The following TNKS variants were observed in gnomAD, a reference collection of about 807,000 sequenced individuals.
TNKS encodes tankyrase, also known as poly [ADP-ribose] polymerase tankyrase-1.
TNKS carries 72 observed loss-of-function variants against 135.8 expected under a neutral mutation model. The observed-to-expected ratio is 0.53, with a 90% confidence interval of 0.44 to 0.64. TNKS has a LOEUF of 0.64. Ranked by LOEUF, TNKS falls within the 30% of genes least tolerant of loss-of-function variation. The probability of loss-of-function intolerance (pLI) is 0.00; values close to 1 mark genes in which losing one functional copy is unlikely to be tolerated. For synonymous variants in TNKS, 849 were observed against 649.3 expected (o/e 1.31, Z -4.68); for missense variants, 1,769 against 1,674.0 (o/e 1.06, Z -0.99).
chr8:9,588,864 G>C (rs1437598961), intron 2 of TNKS, among the ~76,000 whole-genome samples: 1 of 152,168 alleles, frequency 6.6e-6, no homozygotes, highest in Non-Finnish European at 1.5e-5. Context: ...CAAAGGAAAA[G>C]TGATATTGAA....
At chr8:9,601,110 AAC>A (rs1798999594) in intron 2 of TNKS, among the ~76,000 whole-genome samples, 1 of 152,246 alleles carries the variant, frequency 6.6e-6, no homozygotes, top group African/African-American at 2.4e-5. Context: ...TTATAAAAAT[AAC>A]ACATATATGT....
chr8:9,716,132 G>A (rs1804589080), intron 11 of TNKS, among the ~76,000 whole-genome samples: 1 of 152,156 alleles, frequency 6.6e-6, no homozygotes, highest in Non-Finnish European at 1.5e-5. Context: ...TAATTTGACA[G>A]ATTTATTTAC....
chr8:9,664,157 A>C (rs1801873999), intron 3 of TNKS, among the ~76,000 whole-genome samples: 2 of 152,222 alleles, frequency 1.3e-5, no homozygotes, highest in African/African-American at 4.8e-5. Flanking sequence ...TATTTGGCTC[A>C]CAGTTTTGCA....
At chr8:9,690,858 T>C (rs73529171) in intron 5 of TNKS, among the ~76,000 whole-genome samples, 159 of 152,286 alleles carry the variant, frequency 1.0e-3, no homozygotes, top group African/African-American at 3.6e-3. Context: ...CTATGAAATA[T>C]CAATTGCTAT....
At chr8:9,764,434 A>G (rs971774713) in intron 22 of TNKS, among the ~76,000 whole-genome samples, 2 of 151,844 alleles carry the variant, frequency 1.3e-5, no homozygotes, top group African/African-American at 2.4e-5. Context: ...TCTCAATAAG[A>G]TAAGATAGTA....
intron 11 of TNKS, among the ~76,000 whole-genome samples, chr8:9,711,566 A>C (rs1804335491): frequency 6.6e-6 from 1 of 152,224 alleles, no homozygotes; most frequent in Non-Finnish European, 1.5e-5. Flanking sequence ...TTTGTGAAGT[A>C]GTATTTTAAG....
chr8:9,694,863 CAAT>C (rs1382110932), intron 5 of TNKS, among the ~76,000 whole-genome samples: 1 of 151,046 alleles, frequency 6.6e-6, no homozygotes, highest in African/African-American at 2.4e-5. Context: ...AAATTTTGTT[CAAT>C]AATAATAATA....
intron 3 of TNKS, among the ~76,000 whole-genome samples, chr8:9,676,323 T>G (rs1012788689): frequency 6.6e-6 from 1 of 152,164 alleles, no homozygotes; most frequent in African/African-American, 2.4e-5. Flanking sequence ...CAGAATTCTT[T>G]TTTAGCCTCT....
At chr8:9,597,425 C>A (rs1017865286) in intron 2 of TNKS, among the ~76,000 whole-genome samples, 1 of 151,370 alleles carries the variant, frequency 6.6e-6, no homozygotes, top group Non-Finnish European at 1.5e-5. Context: ...CTCTTTGTTA[C>A]CATCAGCGTG....
intron 3 of TNKS, among the ~76,000 whole-genome samples, chr8:9,630,653 T>A (rs1400623917): frequency 6.6e-6 from 1 of 152,230 alleles, no homozygotes; most frequent in Non-Finnish European, 1.5e-5. Context: ...GAGTATGCAA[T>A]GTCTGGCCCA....
chr8:9,642,163 T>C (rs142940887), intron 3 of TNKS, among the ~76,000 whole-genome samples: 6 of 146,388 alleles, frequency 4.1e-5, no homozygotes, highest in Non-Finnish European at 9.0e-5. Context: ...TAGTCTTTGC[T>C]ACCATTCCTA....
intron 5 of TNKS, among the ~76,000 whole-genome samples, chr8:9,685,517 C>T (rs764004537): frequency 2.0e-5 from 3 of 152,164 alleles, no homozygotes; most frequent in Non-Finnish European, 2.9e-5. Context: ...TGGACACTTA[C>T]ATACTTTTAA....
At chr8:9,735,137 A>G (rs1805631038) in intron 16 of TNKS, 53 bp downstream of exon 16, 6 of 1,532,240 alleles carry the variant, frequency 3.9e-6, no homozygotes, top group South Asian at 1.2e-5. Flanking sequence ...GACACCTAAT[A>G]CAGTTTACTA....
At chr8:9,706,281 C>A (rs1336378238) in intron 7 of TNKS, 28 bp downstream of exon 7, 6 of 1,415,834 alleles carry the variant, frequency 4.2e-6, no homozygotes, top group Admixed American at 5.4e-5. Context: ...TATTGAGCAT[C>A]ATTTACTTTT....
intron 3 of TNKS, among the ~76,000 whole-genome samples, chr8:9,618,112 G>A (rs4841184): frequency 0.8 from 121,503 of 151,466 alleles, 48,943 homozygotes; most frequent in Middle Eastern, 0.88. Flanking sequence ...TCAGCCTCCC[G>A]AGTAGCTGGG....
rs559762239 is a variant in TNKS, at chr8:9,584,274, CTG to C, written c.898+3894_898+3895del. On this transcript the variant is annotated intron_variant, in intron 2 of 26. Transcript: ENST00000310430. ...TTTTTCTGATTTTGGAGATTTTAAACTGTGGGCACTCCTTGCTGAGAGGAATG... is the reference window on the plus strand; with the variant it reads ...TTTTTCTGATTTTGGAGATTTTAAACTGGGCACTCCTTGCTGAGAGGAATG... Among the ~76,000 whole-genome samples the C allele has an allele frequency of 2.1e-3, 316 of 150,528 alleles. 3 individuals carry two copies. The highest frequency in any genetic ancestry group is 7.4e-3 in the African/African-American group (304 of 40,876).
intron 3 of TNKS, among the ~76,000 whole-genome samples, chr8:9,627,049 G>T (rs1800084199): frequency 6.6e-6 from 1 of 152,114 alleles, no homozygotes; most frequent in Non-Finnish European, 1.5e-5. Context: ...AGGGAGAGAG[G>T]CTGAAGGTTA....
At chr8:9,762,412 G>T (rs969352927) in intron 21 of TNKS, among the ~76,000 whole-genome samples, 2 of 152,172 alleles carry the variant, frequency 1.3e-5, no homozygotes, top group African/African-American at 2.4e-5. Flanking sequence ...TAAAGCAATT[G>T]TAAGTGGCTA....
At chr8:9,647,309 G>A (rs1800955703) in intron 3 of TNKS, among the ~76,000 whole-genome samples, 1 of 152,250 alleles carries the variant, frequency 6.6e-6, no homozygotes, top group East Asian at 1.9e-4. Flanking sequence ...CTGAGTACAA[G>A]GGATAGAACA....
Sources: allele counts gnomAD v4.1 joint callset (sites outside exome capture counted in the v4.1 genomes callset), GRCh38; gene constraint gnomAD v4.1.1; transcripts MANE v1.5; gene names NCBI Gene and HGNC (gene_info 2026-07-23, HGNC 2026-07-21).